The following PCDHA10 variants were observed in gnomAD, a reference collection of about 807,000 sequenced individuals.
PCDHA10 encodes protocadherin alpha 10.
A neutral mutation model predicts 61.2 loss-of-function variants in PCDHA10; 45 were observed. That is an observed-to-expected ratio of 0.74 (90% confidence interval 0.58 to 0.94). The LOEUF is 0.94. Ranked by LOEUF, PCDHA10 falls within the 40% of genes least tolerant of loss-of-function variation. PCDHA10 has a pLI of 0.00. For synonymous variants in PCDHA10, 602 were observed against 548.8 expected, an observed-to-expected ratio of 1.10 and a Z score of -1.35; for missense variants, 1,278 against 1,236.2, an observed-to-expected ratio of 1.03 and a Z score of -0.51.
chr5:140,873,172 G>A (rs545473160), intron 1 of PCDHA10, among the ~76,000 whole-genome samples: 1 of 152,202 alleles, frequency 6.6e-6, no homozygotes, highest in African/African-American at 2.4e-5. Flanking sequence ...GAGAGCTTTT[G>A]TATCATAATA....
At chr5:140,979,908 TAA>T (rs782196172) in intron 2 of PCDHA10, among the ~76,000 whole-genome samples, 3 of 152,250 alleles carry the variant, frequency 2.0e-5, no homozygotes, top group Non-Finnish European at 4.4e-5. Context: ...GATCAGTTCG[TAA>T]AGAGAAAGCC....
intron 1 of PCDHA10, among the ~76,000 whole-genome samples, chr5:140,940,470 AT>A (rs201096499): frequency 2.7e-5 from 4 of 149,646 alleles, no homozygotes; most frequent in South Asian, 2.1e-4. Flanking sequence ...GTTCCCTGCA[AT>A]TTTTTTTTTC....
chr5:140,864,848 T>A (rs1581726954), intron 1 of PCDHA10: 1 of 152,184 alleles, frequency 6.6e-6, no homozygotes, highest in Non-Finnish European at 1.5e-5. Flanking sequence ...AGTCTTCCCA[T>A]ACATGATGAA....
At chr5:140,953,959 C>T (rs2094958753) in intron 1 of PCDHA10, among the ~76,000 whole-genome samples, 1 of 152,044 alleles carries the variant, frequency 6.6e-6, no homozygotes, top group South Asian at 2.1e-4. Flanking sequence ...CAACAGGCCC[C>T]AGTGTGTGTT....
At chr5:140,944,566 A>G (rs782290531) in intron 1 of PCDHA10, among the ~76,000 whole-genome samples, 37 of 152,182 alleles carry the variant, frequency 2.4e-4, no homozygotes, top group African/African-American at 7.5e-4. Context: ...CTGGCAACTT[A>G]CTGTAGAGAT....
intron 1 of PCDHA10, among the ~76,000 whole-genome samples, chr5:140,946,349 G>A (rs1412325014): frequency 6.6e-6 from 1 of 151,910 alleles, no homozygotes; most frequent in Non-Finnish European, 1.5e-5. Flanking sequence ...TGGAGAGGAT[G>A]TGGAGAAAAG....
At position 140,967,914 on chromosome 5, in the gene PCDHA10, T is replaced by C. The variant is rs1376293284; in HGVS notation, c.2389-11035T>C. On this transcript the variant is annotated intron_variant, in intron 1 of 3. Coordinates refer to ENST00000307360, the MANE Select transcript of PCDHA10 (RefSeq NM_018901.4). ...CCTGAGAATGCTACACCCAACACCA[T>C]TGTGGCCGTTCTCAGTGTCAATGAC... 1.2e-5 allele frequency: 20 copies of C among 1,614,060 alleles called. No individual in the cohort carries two copies. The highest frequency in any genetic ancestry group is 3.3e-5 in the South Asian group (3 of 91,086).
At chr5:140,968,818 T>C in intron 1 of PCDHA10, 1 of 1,614,188 alleles carries the variant, frequency 6.2e-7, no homozygotes, top group South Asian at 1.1e-5. Flanking sequence ...TGGATAGGGT[T>C]TCCAAAATCC....
chr5:140,877,440 G>A (rs372613448), intron 1 of PCDHA10: 9 of 1,613,710 alleles, frequency 5.6e-6, no homozygotes, highest in Non-Finnish European at 5.9e-6. Context: ...ACCACGGTGA[G>A]CCCGCGCTGA....
At chr5:140,964,584 A>G (rs1347418719) in intron 1 of PCDHA10, among the ~76,000 whole-genome samples, 2 of 152,132 alleles carry the variant, frequency 1.3e-5, no homozygotes, top group African/African-American at 4.8e-5. Context: ...GGGAGGAAAG[A>G]TCACTTTTCA....
intron 1 of PCDHA10, among the ~76,000 whole-genome samples, chr5:140,889,953 A>G (rs2062443064): frequency 6.6e-6 from 1 of 152,214 alleles, no homozygotes; most frequent in Non-Finnish European, 1.5e-5. Context: ...AGCCAAATGG[A>G]TAGAAAAATT....
intron 1 of PCDHA10, chr5:140,875,414 C>A: frequency 3.3e-6 from 5 of 1,508,510 alleles, no homozygotes; most frequent in Non-Finnish European, 4.4e-6. Flanking sequence ...CATAAAATAC[C>A]TCAGGCAAGC....
intron 1 of PCDHA10, among the ~76,000 whole-genome samples, chr5:140,961,366 C>T (rs1384222732): frequency 6.6e-6 from 1 of 152,144 alleles, no homozygotes; most frequent in Non-Finnish European, 1.5e-5. Context: ...CATTAGAATT[C>T]TCCTTCTAGT....
intron 1 of PCDHA10, among the ~76,000 whole-genome samples, chr5:140,907,751 A>T (rs1443394789): frequency 1.3e-5 from 2 of 152,134 alleles, no homozygotes; most frequent in African/African-American, 4.8e-5. Context: ...CACTTTGTTC[A>T]TGGGCCCATT....
intron 1 of PCDHA10, chr5:140,928,032 T>C (rs369075554): frequency 6.2e-7 from 1 of 1,614,216 alleles, no homozygotes; most frequent in African/African-American, 1.3e-5. Flanking sequence ...GTGGCATGTC[T>C]AGTGCAGGCC....
rs2096504149 is a variant in PCDHA10 at position 140,971,885 on chromosome 5, T to G, written c.2389-7064T>G. Among the ~76,000 whole-genome samples the G allele has an allele frequency of 2.0e-5, 3 of 152,134 alleles. No individual in the cohort carries two copies. In the South Asian group the frequency reaches 6.2e-4, roughly 31 times the overall value. ...ACATCTAGCATATGAGGAAATAAGC[T>G]CAGGGAGGTTAGGTAATCTACACAG... On this transcript the variant is annotated intron_variant, in intron 1 of 3. Coordinates refer to ENST00000307360, the MANE Select transcript of PCDHA10 (RefSeq NM_018901.4).
intron 1 of PCDHA10, among the ~76,000 whole-genome samples, chr5:140,920,560 C>T (rs1288031450): frequency 1.3e-5 from 2 of 152,168 alleles, no homozygotes; most frequent in Non-Finnish European, 2.9e-5. Flanking sequence ...AAGTGTGGCC[C>T]TTAGGCCAGG....
chr5:140,973,674 T>A (rs782774613), intron 1 of PCDHA10, among the ~76,000 whole-genome samples: 10 of 152,264 alleles, frequency 6.6e-5, no homozygotes, highest in Non-Finnish European at 1.3e-4. Flanking sequence ...GTAGCTTGAA[T>A]GTCATTGGCC....
intron 3 of PCDHA10, among the ~76,000 whole-genome samples, chr5:141,007,259 G>A (rs2098311634): frequency 6.6e-6 from 1 of 151,998 alleles, no homozygotes; most frequent in Non-Finnish European, 1.5e-5. Flanking sequence ...GTTAAAAGAA[G>A]CAGATACAGG....
Sources: gnomAD v4.1 joint callset for allele counts (sites outside exome capture counted in the v4.1 genomes callset) on GRCh38, gnomAD v4.1.1 for gene constraint, MANE v1.5 for transcripts, NCBI Gene and HGNC (gene_info 2026-07-23, HGNC 2026-07-21) for gene names.